SECISBP2L: variants seen among roughly 807,000 people sequenced by gnomAD.
The protein encoded by SECISBP2L is selenocysteine insertion sequence-binding protein 2-like.
In SECISBP2L, 43 loss-of-function variants were observed where a neutral mutation model predicts 114.7. The observed-to-expected ratio is 0.38, with a 90% CI of 0.29 to 0.48. The LOEUF (loss-of-function observed/expected upper bound fraction) is 0.48, where lower values mean the gene tolerates loss of function less well. Ranked by LOEUF, SECISBP2L falls within the 20% of genes least tolerant of loss-of-function variation. The probability of loss-of-function intolerance (pLI) is 0.98; values close to 1 mark genes in which losing one functional copy is unlikely to be tolerated. For synonymous variants in SECISBP2L, 451 were observed against 439.7 expected, an observed-to-expected ratio of 1.03 and a Z score of -0.32; for missense variants, 1,136 against 1,301.1, an observed-to-expected ratio of 0.87 and a Z score of 1.95.
chr15:49,028,797 T>C (rs992367689), intron 4 of SECISBP2L, 115 bp from the exon 5 acceptor site: 11 of 859,482 alleles, frequency 1.3e-5, no homozygotes, highest in African/African-American at 1.7e-5. Context: ...AATGAAGAAA[T>C]AGGTGACAAC....
chr15:49,026,059 T>G (rs1401928831), intron 7 of SECISBP2L, among the ~76,000 whole-genome samples: 1 of 152,086 alleles, frequency 6.6e-6, no homozygotes, highest in East Asian at 1.9e-4. Context: ...AAGAACAAAA[T>G]CCTGTCATTC....
In SECISBP2L at chr15:48,991,032, G is replaced by C. The variant is rs1270312774; in HGVS notation, c.*1212C>G. On this transcript the variant is annotated 3_prime_UTR_variant, in exon 18 of 18. Coordinates refer to ENST00000559471, the MANE Select transcript of SECISBP2L (RefSeq NM_001193489.2). ...TCCTAAGCAGGTATACAAACTCCTA[G>C]AGAAGGGCAGAGATAAATAATAGTG... The C allele has an allele frequency of 6.6e-6, 1 of 152,170 alleles. No homozygotes were observed. The allele number at this position is 152,170 out of a possible 1,614,324, so 9.4% of individuals were successfully genotyped here. A position where few individuals can be genotyped will look rare whatever the true frequency, so the allele number is the denominator to read the frequency against.
intron 11 of SECISBP2L, chr15:49,016,316 TG>T: frequency 2.9e-6 from 1 of 341,124 alleles, no homozygotes; most frequent in Non-Finnish European, 5.2e-6. Flanking sequence ...AGTATGGATA[TG>T]TTTTGCAGGC....
At position 49,038,780 on chromosome 15, in the gene SECISBP2L, T is replaced by G. The variant is rs998410272; in HGVS notation, c.25-1011A>C. Among the ~76,000 whole-genome samples the G allele has an allele frequency of 9.2e-5, 14 of 152,208 alleles. 1 individual carries two copies. The highest frequency in any genetic ancestry group is 6.8e-3 in the Middle Eastern group (2 of 294). On this transcript the variant is annotated intron_variant, in intron 1 of 17. Coordinates refer to ENST00000559471, the MANE Select transcript of SECISBP2L (RefSeq NM_001193489.2). ...ATAAATATTATAATATCAAATGATA[T>G]GAAACATGTTTTAATGAAACCAGTA...
intron 7 of SECISBP2L, among the ~76,000 whole-genome samples, chr15:49,026,160 G>GA (rs1213170861): frequency 6.6e-6 from 1 of 152,090 alleles, no homozygotes; most frequent in African/African-American, 2.4e-5. Context: ...ACTCACATGT[G>GA]GAAGCTAAAA....
chr15:49,024,407 A>G (rs2141076771), intron 7 of SECISBP2L, among the ~76,000 whole-genome samples: 1 of 151,996 alleles, frequency 6.6e-6, no homozygotes, highest in African/African-American at 2.4e-5. Flanking sequence ...GAGGCAGGAC[A>G]ATCACTTGAA....
At chr15:49,004,942 A>C (rs1215796143) in intron 14 of SECISBP2L, among the ~76,000 whole-genome samples, 1 of 152,206 alleles carries the variant, frequency 6.6e-6, no homozygotes, top group African/African-American at 2.4e-5. Context: ...GATGTCTAAC[A>C]GGTCTGCTTC....
chr15:49,010,126 C>CACACACACACACACACACAT (rs758140004), intron 13 of SECISBP2L, among the ~76,000 whole-genome samples: 1 of 149,816 alleles, frequency 6.7e-6, no homozygotes, highest in Non-Finnish European at 1.5e-5. Flanking sequence ...CAGAGGCAGA[C>CACACACACACACACACACAT]ACACACACAC....
chr15:49,032,837 C>G (rs1902921333), intron 4 of SECISBP2L, 128 bp downstream of exon 4: 2 of 1,228,386 alleles, frequency 1.6e-6, no homozygotes, highest in South Asian at 3.3e-5. Context: ...GAGAATTTCA[C>G]AAAGTGGCAG....
chr15:49,010,627 C>T (rs759765079), intron 13 of SECISBP2L, among the ~76,000 whole-genome samples: 23 of 152,142 alleles, frequency 1.5e-4, no homozygotes, highest in Non-Finnish European at 3.2e-4. Context: ...CCTCCCACTT[C>T]AGTCCCCCAA....
intron 14 of SECISBP2L, among the ~76,000 whole-genome samples, chr15:49,007,613 T>C (rs890493711): frequency 2.0e-5 from 3 of 152,198 alleles, no homozygotes; most frequent in Admixed American, 1.3e-4. Flanking sequence ...TTACTAATTA[T>C]TAAATTCCTA....
At position 49,037,781 on chromosome 15, in the gene SECISBP2L, AAGT is replaced by A. The variant is rs1416496458; in HGVS notation, c.25-15_25-13del. 1 of 1,587,560 alleles carries A rather than the reference AAGT, an allele frequency of 6.3e-7. No homozygotes were observed. Among genetic ancestry groups the A allele is most frequent in the South Asian group, 1.2e-5 (1 of 86,566 alleles). On this transcript the variant is annotated splice_polypyrimidine_tract_variant and intron_variant, in intron 1 of 17. Transcript: ENST00000559471. ...GACAGCTTGACATTCTTCAAAGAGA[AAGT>A]AGAATACATTAATAACAAATGAGCA...
chr15:49,030,680 T>A (rs1902866614), intron 4 of SECISBP2L, among the ~76,000 whole-genome samples: 1 of 152,238 alleles, frequency 6.6e-6, no homozygotes, highest in African/African-American at 2.4e-5. Context: ...ATATTTCTTC[T>A]ACCATAGGGT....
At chr15:49,016,494 C>A in intron 11 of SECISBP2L, 66 bp downstream of exon 11, 1 of 1,485,108 alleles carries the variant, frequency 6.7e-7, no homozygotes, top group Non-Finnish European at 9.0e-7. Flanking sequence ...TTAAAAATTT[C>A]GATTAACAAC....
At chr15:49,029,823 C>T (rs909406481) in intron 4 of SECISBP2L, among the ~76,000 whole-genome samples, 7 of 151,926 alleles carry the variant, frequency 4.6e-5, no homozygotes, top group African/African-American at 1.5e-4. Flanking sequence ...CCAGACTGTA[C>T]CTAATCTGTT....
intron 16 of SECISBP2L, among the ~76,000 whole-genome samples, chr15:48,997,063 C>T (rs1039792986): frequency 3.3e-5 from 5 of 152,166 alleles, no homozygotes; most frequent in African/African-American, 1.2e-4. Context: ...CTGGGCATCA[C>T]TGAGGAAGTC....
chr15:49,000,097 T>G (rs780579949), intron 15 of SECISBP2L, 110 bp from the exon 16 acceptor site: 106 of 1,100,408 alleles, frequency 9.6e-5, no homozygotes, highest in Non-Finnish European at 1.3e-4. Flanking sequence ...TATGAACACT[T>G]GTAGCACTTA....
Position 48,989,940 on chromosome 15 carries a change from G to A in SECISBP2L, c.*2304C>T, listed in dbSNP as rs995545735. On this transcript the variant is annotated 3_prime_UTR_variant, in exon 18 of 18. Coordinates refer to ENST00000559471, the MANE Select transcript of SECISBP2L (RefSeq NM_001193489.2). ...ATTTATTTAAGCATGCTCTCAAAAT[G>A]GTAACATTTCCTTTAATAATTCTTG... 2.0e-5 allele frequency: 3 copies of A among 152,560 alleles called. No individual in the cohort carries two copies. Among genetic ancestry groups the A allele is most frequent in the African/African-American group, 7.2e-5 (3 of 41,404 alleles). The allele number at this position is 152,560 out of a possible 1,614,324, so 9.5% of individuals were successfully genotyped here.
chr15:49,009,571 T>C (rs1344939354), intron 13 of SECISBP2L, among the ~76,000 whole-genome samples, 193 bp from the exon 14 acceptor site: 4 of 152,192 alleles, frequency 2.6e-5, no homozygotes, highest in African/African-American at 9.7e-5. Context: ...ATTCTCCTAT[T>C]GTCTGTTGAA....
Sources: allele counts gnomAD v4.1 joint callset (sites outside exome capture counted in the v4.1 genomes callset), GRCh38; gene constraint gnomAD v4.1.1; transcripts MANE v1.5; gene names NCBI Gene and HGNC (gene_info 2026-07-23, HGNC 2026-07-21).